Variants in TMEM229B observed in about 807,000 individuals in gnomAD.
The protein encoded by TMEM229B is transmembrane protein 229B, also known as chromosome 14 open reading frame 83.
A neutral mutation model predicts 13.7 loss-of-function variants in TMEM229B; 6 were observed. The ratio of observed to expected loss-of-function variants is 0.44; its 90% CI spans 0.24 to 0.86. TMEM229B has a LOEUF of 0.86. TMEM229B is among the 40% of genes least tolerant of loss of function. The pLI is 0.23. For synonymous variants in TMEM229B, 107 were observed against 102.1 expected, an observed-to-expected ratio of 1.05 and a Z score of -0.29; for missense variants, 170 against 236.0, an observed-to-expected ratio of 0.72 and a Z score of 1.83.
chr14:67,496,425 A>C (rs1190966385), intron 1 of TMEM229B, among the ~76,000 whole-genome samples: 5 of 25,688 alleles, frequency 1.9e-4, no homozygotes, highest in African/African-American at 4.0e-4. Flanking sequence ...TTTTTTTGAG[A>C]CAGGGTCTGG....
Position 67,472,268 on chromosome 14 carries a change from T to C in TMEM229B, c.*1152A>G, listed in dbSNP as rs2030787509. 1 of 152,346 alleles carries C rather than the reference T, an allele frequency of 6.6e-6. No individual in the cohort carries two copies. The highest frequency in any genetic ancestry group is 2.1e-4 in the South Asian group (1 of 4,836). The allele number at this position is 152,346 out of a possible 1,614,324, so 9.4% of individuals were successfully genotyped here. ...GGTCCTCCTCTCTTTCTTCCTCTCA[T>C]TCTCCATCAGTCTCCAATGCTGGAT... On this transcript the variant is annotated 3_prime_UTR_variant, in exon 3 of 3. Transcript: ENST00000554480.
chr14:67,528,378 G>A (rs7157924), intron 1 of TMEM229B, among the ~76,000 whole-genome samples: 10,418 of 152,140 alleles, frequency 0.068, 1,066 homozygotes, highest in African/African-American at 0.22. Flanking sequence ...TTGGCTTCTT[G>A]GAGCCCTAGT....
chr14:67,478,870 A>C (rs1217974208), intron 2 of TMEM229B, among the ~76,000 whole-genome samples: 2 of 152,190 alleles, frequency 1.3e-5, no homozygotes, highest in Non-Finnish European at 2.9e-5. Context: ...CGCCAGCACC[A>C]GCAGCCTCCT....
chr14:67,501,173 A>G (rs2032597085), intron 1 of TMEM229B, among the ~76,000 whole-genome samples: 2 of 151,720 alleles, frequency 1.3e-5, no homozygotes, highest in Non-Finnish European at 2.9e-5. Context: ...CGAAATGCAA[A>G]CCTCCAGCAG....
chr14:67,514,075 G>A (rs967106919), intron 1 of TMEM229B, among the ~76,000 whole-genome samples: 1 of 152,182 alleles, frequency 6.6e-6, no homozygotes, highest in African/African-American at 2.4e-5. Context: ...TTACTAGGGT[G>A]CTGAGAACAC....
At chr14:67,497,868 A>G (rs949813743) in intron 1 of TMEM229B, among the ~76,000 whole-genome samples, 1 of 151,986 alleles carries the variant, frequency 6.6e-6, no homozygotes, top group African/African-American at 2.4e-5. Flanking sequence ...GTCTATGTAA[A>G]GGTTCAAGCA....
chr14:67,480,620 C>T (rs2031527154), intron 2 of TMEM229B, among the ~76,000 whole-genome samples: 2 of 152,128 alleles, frequency 1.3e-5, no homozygotes, highest in African/African-American at 4.8e-5. Flanking sequence ...GATGTGGAGA[C>T]CTCTGGACCT....
rs1455555826 is a variant in TMEM229B at position 67,471,532 on chromosome 14, A to T, written c.*1888T>A. ...TCCCACCGGAAGCCTGATTCTCTGT[A>T]ACCCCCAAAGCCCTGGAATTGGGGC... On this transcript the variant is annotated 3_prime_UTR_variant, in exon 3 of 3. Transcript: ENST00000554480. 6.6e-6 allele frequency: 1 copy of T among 152,132 alleles called. No individual in the cohort carries two copies. Among genetic ancestry groups the T allele is most frequent in the Non-Finnish European group, 1.5e-5 (1 of 68,032 alleles). The allele number at this position is 152,132 out of a possible 1,614,324, so 9.4% of individuals were successfully genotyped here.
intron 2 of TMEM229B, among the ~76,000 whole-genome samples, chr14:67,474,883 T>C (rs1212237346): frequency 6.6e-6 from 1 of 151,702 alleles, no homozygotes; most frequent in Admixed American, 6.6e-5. Flanking sequence ...TTAAGGTTCA[T>C]CCATGTTGCA....
At chr14:67,531,775 G>C (rs1347894396) in intron 1 of TMEM229B, among the ~76,000 whole-genome samples, 1 of 139,656 alleles carries the variant, frequency 7.2e-6, no homozygotes, top group East Asian at 2.0e-4. Flanking sequence ...GGGTATAGTA[G>C]CATGTGCCTA....
rs1474816252 is a variant in TMEM229B at position 67,525,004 on chromosome 14, G to C, written c.-192+8632C>G. ...GGCAGGTTGTGGCTTTATTGAGTTA[G>C]ATGTCAACTTCTCTGAATCTCGGCT... On this transcript the variant is annotated intron_variant, in intron 1 of 2. Coordinates refer to the TMEM229B transcript ENST00000554278. Among the ~76,000 whole-genome samples, 6 of 152,292 alleles carry C rather than the reference G, an allele frequency of 3.9e-5. No individual in the cohort carries two copies. The South Asian group carries it at 1.0e-3, about 26-fold the overall frequency.
intron 1 of TMEM229B, chr14:67,533,446 C>G (rs922767588): frequency 6.6e-6 from 1 of 151,928 alleles, no homozygotes; most frequent in African/African-American, 2.4e-5. Context: ...GGCTGCGCCG[C>G]GGCGGAGGGC....
At chr14:67,513,037 T>A (rs968475333) in intron 1 of TMEM229B, among the ~76,000 whole-genome samples, 1 of 152,200 alleles carries the variant, frequency 6.6e-6, no homozygotes, top group Non-Finnish European at 1.5e-5. Flanking sequence ...ATTTAATATC[T>A]TTCATTCAAG....
intron 2 of TMEM229B, among the ~76,000 whole-genome samples, chr14:67,475,618 G>C (rs2031137900): frequency 6.6e-6 from 1 of 152,146 alleles, no homozygotes; most frequent in Admixed American, 6.5e-5. Context: ...TCTCATTGTG[G>C]TCACATTTGT....
intron 1 of TMEM229B, among the ~76,000 whole-genome samples, chr14:67,520,739 T>G (rs1185973381): frequency 6.6e-6 from 1 of 152,214 alleles, no homozygotes; most frequent in Admixed American, 6.5e-5. Context: ...CTTGGTTGCT[T>G]GCAAGTTATG....
At chr14:67,503,734 AGCTCTGT>A (rs2032702550) in intron 1 of TMEM229B, among the ~76,000 whole-genome samples, 1 of 151,808 alleles carries the variant, frequency 6.6e-6, no homozygotes, top group Non-Finnish European at 1.5e-5. Flanking sequence ...GACAGAGTCT[AGCTCTGT>A]CACCCAGGCT....
At chr14:67,503,333 G>A (rs2140205862) in intron 1 of TMEM229B, among the ~76,000 whole-genome samples, 1 of 152,348 alleles carries the variant, frequency 6.6e-6, no homozygotes, top group South Asian at 2.1e-4. Context: ...ACTGAAGCAG[G>A]GGTGGGCGTG....
chr14:67,471,059 G>T lies in TMEM229B; in HGVS notation c.*2361C>A, dbSNP rs2030683551. The T allele has an allele frequency of 6.6e-6, 1 of 152,292 alleles. No homozygotes were observed. Among genetic ancestry groups the T allele is most frequent in the South Asian group, 2.1e-4 (1 of 4,824 alleles). 9.4% of individuals were successfully genotyped at this position (152,292 alleles called of 1,614,324 possible). ...GGGTTGTTGCCTTCCTTTGCTGGAG[G>T]TTTGATGCCTTATGAGGGGCAACTG... is the stretch of plus-strand genomic sequence containing the variant. On this transcript the variant is annotated 3_prime_UTR_variant, in exon 3 of 3. Transcript: ENST00000554480.
At chr14:67,493,916 G>T (rs747167142) in intron 1 of TMEM229B, among the ~76,000 whole-genome samples, 1 of 151,534 alleles carries the variant, frequency 6.6e-6, no homozygotes, top group Non-Finnish European at 1.5e-5. Context: ...TTTTTTAATT[G>T]AAGGATGAGA....
Sources: allele counts gnomAD v4.1 joint callset (sites outside exome capture counted in the v4.1 genomes callset), GRCh38; gene constraint gnomAD v4.1.1; transcripts MANE v1.5; gene names NCBI Gene and HGNC (gene_info 2026-07-23, HGNC 2026-07-21).